The following BCKDHB variants were observed in gnomAD, a reference collection of about 807,000 sequenced individuals.
BCKDHB encodes 2-oxoisovalerate dehydrogenase subunit beta, mitochondrial.
In BCKDHB, 41 loss-of-function variants were observed where a neutral mutation model predicts 48.5. That is an observed-to-expected ratio of 0.85 (90% CI 0.66 to 1.10). The LOEUF is 1.10. BCKDHB is among the 50% of genes least tolerant of loss of function. BCKDHB has a pLI of 0.00. For synonymous variants in BCKDHB, 201 were observed against 174.8 expected (o/e 1.15, Z -1.18); for missense variants, 496 against 494.2 (o/e 1.00, Z -0.03).
chr6:80,342,826 A>AT (rs950490011), intron 9 of BCKDHB, among the ~76,000 whole-genome samples: 3 of 151,790 alleles, frequency 2.0e-5, no homozygotes, highest in South Asian at 4.2e-4. Context: ...CTTGAGTAAC[A>AT]TTTTTTTTCT....
intron 8 of BCKDHB, among the ~76,000 whole-genome samples, chr6:80,225,129 G>A (rs566532253): frequency 6.6e-6 from 1 of 152,056 alleles, no homozygotes; most frequent in Non-Finnish European, 1.5e-5. Context: ...TTCCTTTCAG[G>A]TGTTATTTAA....
At chr6:80,437,399 A>G in the BCKDHB span, among the ~76,000 whole-genome samples, 4 of 152,044 alleles carry the variant, frequency 2.6e-5, no homozygotes, top group African/African-American at 4.8e-5. Context: ...AAAGAGCCTC[A>G]TTTTTCAAAA....
At chr6:80,182,554 C>T (rs536810419) in intron 6 of BCKDHB, among the ~76,000 whole-genome samples, 1 of 152,152 alleles carries the variant, frequency 6.6e-6, no homozygotes, top group African/African-American at 2.4e-5. Context: ...TAAAAAGTTC[C>T]AGCATCACAG....
At chr6:80,361,135 C>A in the BCKDHB span, among the ~76,000 whole-genome samples, 5 of 152,146 alleles carry the variant, frequency 3.3e-5, no homozygotes, top group African/African-American at 1.2e-4. Flanking sequence ...TGCATGCCAG[C>A]TTCATTCTTT....
At chr6:80,128,391 G>A (rs1562069734) in intron 2 of BCKDHB, among the ~76,000 whole-genome samples, 1 of 152,084 alleles carries the variant, frequency 6.6e-6, no homozygotes, top group Non-Finnish European at 1.5e-5. Context: ...CAAACATAGA[G>A]AAGGGTGAGT....
At chr6:80,315,500 T>C (rs1225749665) in intron 9 of BCKDHB, among the ~76,000 whole-genome samples, 1 of 152,144 alleles carries the variant, frequency 6.6e-6, no homozygotes, top group African/African-American at 2.4e-5. Flanking sequence ...GATATTTCAG[T>C]AGAAGGTGCT....
chr6:80,441,285 T>A, the BCKDHB span: 1 of 152,162 alleles, frequency 6.6e-6, no homozygotes, highest in Non-Finnish European at 1.5e-5. Flanking sequence ...AATGACAGTT[T>A]CTATGGCACA....
At chr6:80,284,468 T>G (rs1156363351) in intron 9 of BCKDHB, among the ~76,000 whole-genome samples, 1 of 100,850 alleles carries the variant, frequency 9.9e-6, no homozygotes, top group Non-Finnish European at 2.1e-5. Context: ...TTGATCATTT[T>G]CTTTCAAGTT....
At chr6:80,394,012 A>G in the BCKDHB span, among the ~76,000 whole-genome samples, 1 of 152,136 alleles carries the variant, frequency 6.6e-6, no homozygotes, top group Non-Finnish European at 1.5e-5. Context: ...TTCTTTTATA[A>G]TTTGACATCC....
chr6:80,386,887 T>C, the BCKDHB span, among the ~76,000 whole-genome samples: 1 of 152,154 alleles, frequency 6.6e-6, no homozygotes, highest in South Asian at 2.1e-4. Context: ...TGAGACAGTT[T>C]ACAGACCCAG....
At chr6:80,223,550 A>G (rs1161413209) in intron 8 of BCKDHB, among the ~76,000 whole-genome samples, 6 of 152,116 alleles carry the variant, frequency 3.9e-5, no homozygotes, top group Non-Finnish European at 8.8e-5. Flanking sequence ...TCATGGAACT[A>G]CTTATGAATT....
chr6:80,254,621 G>T (rs554846161), intron 8 of BCKDHB, among the ~76,000 whole-genome samples: 1 of 152,204 alleles, frequency 6.6e-6, no homozygotes, highest in East Asian at 1.9e-4. Flanking sequence ...AATTACTTGA[G>T]CCCAGGAGTT....
the BCKDHB span, among the ~76,000 whole-genome samples, chr6:80,445,000 A>G: frequency 6.6e-6 from 1 of 152,218 alleles, no homozygotes; most frequent in Non-Finnish European, 1.5e-5. Flanking sequence ...GTGGCTGTCT[A>G]TAGAAATGAA....
chr6:80,324,306 A>G (rs1404312457), intron 9 of BCKDHB, among the ~76,000 whole-genome samples: 1 of 152,172 alleles, frequency 6.6e-6, no homozygotes, highest in African/African-American at 2.4e-5. Flanking sequence ...GGACCTAGGC[A>G]TCTGTTTTTA....
At chr6:80,340,641 A>G (rs1769840205) in intron 9 of BCKDHB, among the ~76,000 whole-genome samples, 1 of 152,254 alleles carries the variant, frequency 6.6e-6, no homozygotes. Flanking sequence ...ACAGAAGAAT[A>G]TGATTAATCT....
intron 1 of BCKDHB, among the ~76,000 whole-genome samples, chr6:80,110,167 G>C (rs1769339006): frequency 6.6e-6 from 1 of 152,152 alleles, no homozygotes; most frequent in Non-Finnish European, 1.5e-5. Context: ...ATTACACTGT[G>C]TTGTTCTCTG....
intron 8 of BCKDHB, among the ~76,000 whole-genome samples, chr6:80,206,283 A>G (rs899460997): frequency 8.4e-5 from 9 of 107,280 alleles, no homozygotes; most frequent in Non-Finnish European, 1.3e-4. Flanking sequence ...CTTTTACTCT[A>G]TCTGCGCAGC....
chr6:80,443,149 C>T, the BCKDHB span, among the ~76,000 whole-genome samples: 1 of 152,154 alleles, frequency 6.6e-6, no homozygotes, highest in Non-Finnish European at 1.5e-5. Flanking sequence ...TTTCCCACCT[C>T]CTCAAGAGCA....
At chr6:80,164,566 C>T (rs1772480723) in intron 3 of BCKDHB, among the ~76,000 whole-genome samples, 1 of 152,122 alleles carries the variant, frequency 6.6e-6, no homozygotes, top group African/African-American at 2.4e-5. Flanking sequence ...AGAATGTAAA[C>T]ATTCATGAGG....
Sources: allele counts gnomAD v4.1 joint callset (sites outside exome capture counted in the v4.1 genomes callset), GRCh38; gene constraint gnomAD v4.1.1; transcripts MANE v1.5; gene names NCBI Gene and HGNC (gene_info 2026-07-23, HGNC 2026-07-21).